Variants in UVRAG observed in about 807,000 individuals in gnomAD.
UVRAG encodes UV radiation resistance associated.
In UVRAG, 19 loss-of-function variants were observed where a neutral mutation model predicts 78.0. The ratio of observed to expected loss-of-function variants is 0.24; its 90% CI spans 0.17 to 0.36. The LOEUF is 0.36. UVRAG is among the 10% of genes least tolerant of loss of function. UVRAG has a pLI of 1.00. For missense variants in UVRAG, 740 were observed against 853.8 expected, an observed-to-expected ratio of 0.87 and a Z score of 1.66; for synonymous variants, 323 against 324.6, an observed-to-expected ratio of 1.00 and a Z score of 0.05.
At chr11:75,919,609 G>A (rs1275357738) in intron 6 of UVRAG, among the ~76,000 whole-genome samples, 1 of 152,180 alleles carries the variant, frequency 6.6e-6, no homozygotes, top group African/African-American at 2.4e-5. Context: ...GAGAGGAGGA[G>A]AAACAGTTCA....
chr11:75,957,761 CT>C (rs1948829573), intron 6 of UVRAG, among the ~76,000 whole-genome samples: 1 of 152,032 alleles, frequency 6.6e-6, no homozygotes, highest in Non-Finnish European at 1.5e-5. Context: ...TATTTCATCC[CT>C]AAGTATTTTA....
chr11:75,834,594 C>A (rs1000786692), intron 1 of UVRAG, among the ~76,000 whole-genome samples: 1 of 152,156 alleles, frequency 6.6e-6, no homozygotes, highest in Non-Finnish European at 1.5e-5. Flanking sequence ...GCGGGTGGAT[C>A]ATGAGGTCAG....
chr11:75,860,003 T>C (rs1946382494), intron 2 of UVRAG, among the ~76,000 whole-genome samples: 1 of 152,254 alleles, frequency 6.6e-6, no homozygotes, highest in African/African-American at 2.4e-5. Flanking sequence ...TGAAGTGCAA[T>C]GTGCAATCTC....
intron 7 of UVRAG, among the ~76,000 whole-genome samples, chr11:75,976,358 G>C (rs1028186425): frequency 6.6e-6 from 1 of 152,134 alleles, no homozygotes; most frequent in African/African-American, 2.4e-5. Flanking sequence ...CCAGGCTTTG[G>C]TATCAGGATG....
intron 13 of UVRAG, among the ~76,000 whole-genome samples, chr11:76,082,539 C>CAAAA (rs5792708): frequency 1.6e-4 from 16 of 101,612 alleles, no homozygotes; most frequent in African/African-American, 4.1e-4. Context: ...GACTCCGTCC[C>CAAAA]AAAAAAAAAA....
chr11:76,059,019 C>T (rs746238579), intron 12 of UVRAG, among the ~76,000 whole-genome samples: 2 of 152,142 alleles, frequency 1.3e-5, no homozygotes, highest in Non-Finnish European at 2.9e-5. Flanking sequence ...ATCACTTAGG[C>T]CTCGAAAGGT....
intron 8 of UVRAG, among the ~76,000 whole-genome samples, chr11:75,994,762 TCATTACTG>T (rs1949672716): frequency 6.6e-6 from 1 of 152,210 alleles, no homozygotes. Flanking sequence ...AAACGAAACG[TCATTACTG>T]CTTTCTCTAG....
intron 12 of UVRAG, among the ~76,000 whole-genome samples, chr11:76,034,040 G>T (rs987493419): frequency 4.6e-5 from 7 of 152,040 alleles, no homozygotes; most frequent in African/African-American, 1.7e-4. Flanking sequence ...TATTTATTAT[G>T]TCTGTATTAT....
At chr11:76,094,812 G>C (rs1951760737) in intron 13 of UVRAG, among the ~76,000 whole-genome samples, 1 of 152,044 alleles carries the variant, frequency 6.6e-6, no homozygotes, top group African/African-American at 2.4e-5. Flanking sequence ...TGGAAGCTTG[G>C]AGCATGTGGA....
chr11:76,038,169 A>G (rs1053319486), intron 12 of UVRAG, among the ~76,000 whole-genome samples: 12 of 152,206 alleles, frequency 7.9e-5, no homozygotes, highest in African/African-American at 2.9e-4. Flanking sequence ...ACAGTAAGAA[A>G]TAAGACCAAG....
chr11:76,054,192 T>C (rs528168742), intron 12 of UVRAG, among the ~76,000 whole-genome samples: 1 of 152,240 alleles, frequency 6.6e-6, no homozygotes, highest in Admixed American at 6.5e-5. Flanking sequence ...ATTCTGTCAG[T>C]TGCTTAGGTC....
intron 12 of UVRAG, among the ~76,000 whole-genome samples, chr11:76,052,761 C>T (rs893140607): frequency 1.3e-5 from 2 of 152,026 alleles, no homozygotes; most frequent in Non-Finnish European, 2.9e-5. Flanking sequence ...CCCCATCCTT[C>T]GTTCATATTC....
At chr11:76,084,619 A>G (rs781322632) in intron 13 of UVRAG, among the ~76,000 whole-genome samples, 3 of 152,074 alleles carry the variant, frequency 2.0e-5, no homozygotes, top group Non-Finnish European at 2.9e-5. Flanking sequence ...TTTTAGTCTG[A>G]AACTCAGAAT....
intron 6 of UVRAG, among the ~76,000 whole-genome samples, chr11:75,918,210 C>CAA (rs67178910): frequency 0.078 from 4,314 of 55,524 alleles, 182 homozygotes; most frequent in African/African-American, 0.16. Flanking sequence ...ACTAAAAATA[C>CAA]AAAAAAAAAA....
chr11:76,086,706 C>T (rs1951594467), intron 13 of UVRAG, among the ~76,000 whole-genome samples: 1 of 152,246 alleles, frequency 6.6e-6, no homozygotes, highest in East Asian at 1.9e-4. Flanking sequence ...GCATAACAGA[C>T]TTAACAAAAT....
chr11:75,997,971 C>A (rs1023055932), intron 8 of UVRAG, among the ~76,000 whole-genome samples: 9 of 152,164 alleles, frequency 5.9e-5, no homozygotes, highest in Admixed American at 3.9e-4. Context: ...AAGTGTTTGA[C>A]ATGGTAGAAA....
intron 5 of UVRAG, among the ~76,000 whole-genome samples, chr11:75,895,346 T>C (rs1188094722): frequency 1.3e-5 from 2 of 152,062 alleles, no homozygotes; most frequent in Non-Finnish European, 2.9e-5. Context: ...GTTCATAACT[T>C]TTCCCTCTTT....
chr11:75,910,964 A>G (rs1045871166), intron 5 of UVRAG, among the ~76,000 whole-genome samples: 3 of 152,168 alleles, frequency 2.0e-5, no homozygotes, highest in Non-Finnish European at 4.4e-5. Flanking sequence ...GAGTCACATA[A>G]TATGTTAAAA....
chr11:75,838,145 A>G (rs547807924), intron 1 of UVRAG, among the ~76,000 whole-genome samples: 4 of 152,230 alleles, frequency 2.6e-5, no homozygotes, highest in Non-Finnish European at 5.9e-5. Context: ...TCAGTGATCA[A>G]AGAGCTGCCA....
Sources: allele counts gnomAD v4.1 joint callset (sites outside exome capture counted in the v4.1 genomes callset), GRCh38; gene constraint gnomAD v4.1.1; transcripts MANE v1.5; gene names NCBI Gene and HGNC (gene_info 2026-07-23, HGNC 2026-07-21).